The following NDFIP2 variants were observed in gnomAD, a reference collection of about 807,000 sequenced individuals.
NDFIP2 encodes the protein NEDD4 family-interacting protein 2.
In NDFIP2, 19 loss-of-function variants were observed where a neutral mutation model predicts 36.0. The ratio of observed to expected loss-of-function variants is 0.53; its 90% CI spans 0.37 to 0.77. The LOEUF (loss-of-function observed/expected upper bound fraction) is 0.77, where lower values mean the gene tolerates loss of function less well. NDFIP2 is among the 30% of genes least tolerant of loss of function. NDFIP2 has a pLI of 0.00. For synonymous variants in NDFIP2, 181 were observed against 167.7 expected (o/e 1.08, Z -0.61); for missense variants, 446 against 435.8 (o/e 1.02, Z -0.21).
At chr13:79,510,814 C>T (rs949603136) in intron 1 of NDFIP2, among the ~76,000 whole-genome samples, 2 of 151,936 alleles carry the variant, frequency 1.3e-5, no homozygotes, top group African/African-American at 4.8e-5. Flanking sequence ...GCCTGGCCAA[C>T]ATAGTGAAAC....
Position 79,553,659 on chromosome 13 carries a change from A to G in NDFIP2, c.*1146A>G, listed in dbSNP as rs1410830300. The G allele has an allele frequency of 6.6e-6, 1 of 151,794 alleles. No individual in the cohort carries two copies. The highest frequency in any genetic ancestry group is 1.5e-5 in the Non-Finnish European group (1 of 67,514). The allele number at this position is 151,794 out of a possible 1,614,324, so 9.4% of individuals were successfully genotyped here. ...TATCCTGAACTGAGATATGCAAAATACTCATTTTCAAGTTATGGAAATGTG... is the reference window on the plus strand; with the variant it reads ...TATCCTGAACTGAGATATGCAAAATGCTCATTTTCAAGTTATGGAAATGTG... On this transcript the variant is annotated 3_prime_UTR_variant, in exon 8 of 8. Transcript: ENST00000218652.
rs1256852704 is a variant in NDFIP2, at chr13:79,481,374, G to T, written c.171G>T (p.Arg57Ser). The change falls in exon 1 of 8, where the codon AGG becomes AGT. Residue 57 changes from arginine to serine, a missense_variant. By Grantham distance (110) the Arg-to-Ser change is moderately radical. Coordinates refer to ENST00000218652, the MANE Select transcript of NDFIP2 (RefSeq NM_019080.3). ...EELPPGDRGC[R>S]NGGGRGPAAT... ...TTCCGCCGGGAGACCGCGGCTGCAGGAACGGAGGCGGAAGGGGCCCTGCGG... is the reference window on the plus strand; with the variant it reads ...TTCCGCCGGGAGACCGCGGCTGCAGTAACGGAGGCGGAAGGGGCCCTGCGG... 5 of 1,554,098 alleles carry T rather than the reference G, an allele frequency of 3.2e-6. No individual in the cohort carries two copies. The African/African-American group carries it at 6.8e-5, about 21-fold the overall frequency.
chr13:79,539,435 AGTTTGAT>A (rs1175437584), intron 3 of NDFIP2, among the ~76,000 whole-genome samples: 1 of 152,070 alleles, frequency 6.6e-6, no homozygotes, highest in African/African-American at 2.4e-5. Context: ...CATTTTTATG[AGTTTGAT>A]GTTATTCATC....
intron 2 of NDFIP2, among the ~76,000 whole-genome samples, chr13:79,528,491 GT>G (rs1410437966): frequency 2.0e-5 from 3 of 152,090 alleles, no homozygotes; most frequent in African/African-American, 7.2e-5. Flanking sequence ...GGTGTACAGT[GT>G]TTATAAAGTC....
intron 1 of NDFIP2, among the ~76,000 whole-genome samples, chr13:79,503,053 A>G (rs1873727240): frequency 1.3e-5 from 2 of 152,144 alleles, no homozygotes; most frequent in South Asian, 4.1e-4. Context: ...GGAGTGAAGA[A>G]CATAAGTTAG....
At chr13:79,515,780 GA>G (rs1874287326) in intron 1 of NDFIP2, among the ~76,000 whole-genome samples, 1 of 152,062 alleles carries the variant, frequency 6.6e-6, no homozygotes, top group African/African-American at 2.4e-5. Context: ...GAGCACAGAT[GA>G]GGTAGCTCAC....
At chr13:79,534,773 C>T (rs1161314626) in intron 3 of NDFIP2, among the ~76,000 whole-genome samples, 1 of 152,164 alleles carries the variant, frequency 6.6e-6, no homozygotes, top group African/African-American at 2.4e-5. Context: ...TGGCATTCTC[C>T]TCTAGCTGCT....
chr13:79,529,037 C>T (rs905035785), intron 2 of NDFIP2, among the ~76,000 whole-genome samples: 1 of 152,146 alleles, frequency 6.6e-6, no homozygotes, highest in Non-Finnish European at 1.5e-5. Context: ...TGTAATGCTT[C>T]ACAGTTTACA....
At chr13:79,503,263 A>G (rs1287132013) in intron 1 of NDFIP2, among the ~76,000 whole-genome samples, 1 of 152,172 alleles carries the variant, frequency 6.6e-6, no homozygotes, top group Admixed American at 6.5e-5. Context: ...ACTGGAAACT[A>G]AATTTGCTGT....
rs1192357467 is a variant in NDFIP2, at chr13:79,492,269, T to TC, written c.321+10747dup. On this transcript the variant is annotated intron_variant, in intron 1 of 7. Transcript: ENST00000218652. ...AGTGACACCTTTTTTTTTTTTTTTT[T>TC]CCTTTCTTTATAAGTGTTCAAAGTG... Among the ~76,000 whole-genome samples the TC allele has an allele frequency of 1.5e-3, 234 of 151,042 alleles. 2 individuals are homozygous for TC. The highest frequency in any genetic ancestry group is 5.5e-3 in the African/African-American group (224 of 40,862).
At chr13:79,533,082 T>G (rs1875079995) in intron 2 of NDFIP2, among the ~76,000 whole-genome samples, 1 of 152,200 alleles carries the variant, frequency 6.6e-6, no homozygotes, top group African/African-American at 2.4e-5. Context: ...ATTCTAGAGG[T>G]TCTTGTTTAG....
In NDFIP2 at chr13:79,481,397, C is replaced by T. The variant is rs1566650753; in HGVS notation, c.194C>T (p.Ala65Val). Residue 65 changes from alanine (A) to valine (V), a missense_variant, in exon 1 of 8, where the codon GCG (alanine) becomes GTG (valine). This residue lies in a region of NDFIP2 where 369 missense variants were observed against 304.8 expected (regional missense o/e 1.21). Coordinates refer to ENST00000218652, the MANE Select transcript of NDFIP2 (RefSeq NM_019080.3). Reference protein sequence around the residue: ...GCRNGGGRGPAATTSSTGVAV... With the variant: ...GCRNGGGRGPVATTSSTGVAV... Reference sequence around the variant, plus strand: ...AGGAACGGAGGCGGAAGGGGCCCTGCGGCGACGACGTCGTCGACGGGGGTG... The same window carrying T: ...AGGAACGGAGGCGGAAGGGGCCCTGTGGCGACGACGTCGTCGACGGGGGTG... 1.3e-6 allele frequency: 2 copies of T among 1,555,406 alleles called. No homozygotes were observed. The highest frequency in any genetic ancestry group is 1.7e-6 in the Non-Finnish European group (2 of 1,149,510).
intron 4 of NDFIP2, among the ~76,000 whole-genome samples, chr13:79,543,117 T>TC (rs1434346338): frequency 6.6e-6 from 1 of 152,168 alleles, no homozygotes; most frequent in Non-Finnish European, 1.5e-5. Flanking sequence ...CCTCAGCTGA[T>TC]CCCCCTGCCT....
intron 1 of NDFIP2, among the ~76,000 whole-genome samples, chr13:79,516,428 G>T (rs908645545): frequency 1.3e-5 from 2 of 151,900 alleles, no homozygotes; most frequent in Non-Finnish European, 2.9e-5. Flanking sequence ...TCCTTGTGTT[G>T]CCCAGGCTGG....
intron 1 of NDFIP2, among the ~76,000 whole-genome samples, chr13:79,503,318 C>T (rs1443078492): frequency 2.0e-5 from 3 of 152,106 alleles, no homozygotes; most frequent in Non-Finnish European, 4.4e-5. Flanking sequence ...TTCCCTCCAC[C>T]AGAAGGCAGT....
intron 1 of NDFIP2, among the ~76,000 whole-genome samples, chr13:79,519,768 A>C (rs1376923318): frequency 6.6e-6 from 1 of 152,180 alleles, no homozygotes; most frequent in Non-Finnish European, 1.5e-5. Flanking sequence ...ACATCAACTT[A>C]TTTTGCTTTA....
chr13:79,492,180 C>CT (rs2140734761), intron 1 of NDFIP2, among the ~76,000 whole-genome samples: 1 of 151,076 alleles, frequency 6.6e-6, no homozygotes, highest in South Asian at 2.1e-4. Context: ...GTATTAACCC[C>CT]TTTACTAATT....
intron 7 of NDFIP2, among the ~76,000 whole-genome samples, chr13:79,552,144 A>G (rs1875932841): frequency 6.6e-6 from 1 of 151,370 alleles, no homozygotes; most frequent in Non-Finnish European, 1.5e-5. Context: ...GTGTTCTACT[A>G]AAGTCTCCCC....
intron 1 of NDFIP2, among the ~76,000 whole-genome samples, chr13:79,486,043 A>T (rs1436545474): frequency 6.6e-6 from 1 of 152,224 alleles, no homozygotes; most frequent in Non-Finnish European, 1.5e-5. Context: ...ACAAGTGGAA[A>T]ATACCACATG....
Sources: allele counts gnomAD v4.1 joint callset (sites outside exome capture counted in the v4.1 genomes callset), GRCh38; gene constraint gnomAD v4.1.1; regional missense constraint gnomAD v4.1.1; transcripts MANE v1.5; gene names NCBI Gene and HGNC (gene_info 2026-07-23, HGNC 2026-07-21).